Variants in RAG1 observed in about 807,000 individuals in gnomAD.
RAG1 encodes V(D)J recombination-activating protein 1.
In RAG1, 35 loss-of-function variants were observed where a neutral mutation model predicts 62.7. The observed-to-expected ratio is 0.56, with a 90% CI of 0.43 to 0.74. The LOEUF (loss-of-function observed/expected upper bound fraction) is 0.74. Ranked by LOEUF, RAG1 falls within the 30% of genes least tolerant of loss-of-function variation. The probability of loss-of-function intolerance (pLI) is 0.00; values close to 1 mark genes in which losing one functional copy is unlikely to be tolerated. For missense variants in RAG1, 1,169 were observed against 1,278.6 expected (o/e 0.91, Z 1.31); for synonymous variants, 461 against 470.3 (o/e 0.98, Z 0.26).
Position 36,578,340 on chromosome 11 carries a change from A to G in RAG1, c.*1904A>G, listed in dbSNP as rs1850882905. On this transcript the variant is annotated 3_prime_UTR_variant, in exon 2 of 2. Transcript: ENST00000299440. ...TCTAATTTAGTTGTCAAAAACATAT[A>G]CATATTTTAACATTAGTTTTTTTGA... The G allele has an allele frequency of 6.0e-6, 1 of 166,752 alleles. No homozygotes were observed. Among genetic ancestry groups the G allele is most frequent in the South Asian group, 2.1e-4 (1 of 4,832 alleles). 10.3% of individuals were successfully genotyped at this position (166,752 alleles called of 1,614,324 possible). A position where few individuals can be genotyped will look rare whatever the true frequency, so the allele number is the denominator to read the frequency against.
chr11:36,538,647 G>GT (rs1241865243), downstream of RAG1, among the ~76,000 whole-genome samples: 12 of 152,298 alleles, frequency 7.9e-5, no homozygotes, highest in East Asian at 2.1e-3. Flanking sequence ...TTTTCGAGCG[G>GT]TTTTTTGAGG....
chr11:36,560,337 A>G (rs1340542345), intron 3 of RAG1, among the ~76,000 whole-genome samples: 1 of 151,784 alleles, frequency 6.6e-6, no homozygotes, highest in African/African-American at 2.4e-5. Flanking sequence ...GTCTTAGGGG[A>G]GGTTTATTTC....
chr11:36,549,150 G>A (rs1001493330), intron 3 of RAG1, among the ~76,000 whole-genome samples: 2 of 151,912 alleles, frequency 1.3e-5, no homozygotes. Context: ...TTAAATGTAA[G>A]ACCTAAAACC....
chr11:36,541,715 AG>A (rs1020987947), intron 3 of RAG1, among the ~76,000 whole-genome samples: 7 of 152,046 alleles, frequency 4.6e-5, no homozygotes, highest in African/African-American at 1.7e-4. Flanking sequence ...CCGAACCAAA[AG>A]TTTAGTCTAA....
intron 3 of RAG1, among the ~76,000 whole-genome samples, chr11:36,547,988 C>T (rs549306855): frequency 2.6e-5 from 4 of 152,150 alleles, no homozygotes; most frequent in Admixed American, 6.5e-5. Flanking sequence ...AATCAATAAA[C>T]GTAATCCCTC....
chr11:36,544,688 G>T (rs1013131878), intron 3 of RAG1, among the ~76,000 whole-genome samples: 1 of 152,082 alleles, frequency 6.6e-6, no homozygotes, highest in African/African-American at 2.4e-5. Context: ...GGTTGATGTG[G>T]TCTGGCTACA....
chr11:36,536,709 GTAAA>G (rs1564979108), downstream of RAG1, among the ~76,000 whole-genome samples: 1 of 150,660 alleles, frequency 6.6e-6, no homozygotes, highest in Non-Finnish European at 1.5e-5. Context: ...ATTTTATAAA[GTAAA>G]TAAAAATTTT....
chr11:36,530,198 T>C (rs1432664664), intron 2 of RAG1, among the ~76,000 whole-genome samples: 4 of 152,038 alleles, frequency 2.6e-5, no homozygotes, highest in African/African-American at 9.7e-5. Context: ...TGGTAACTTA[T>C]TACTTCTGTT....
upstream of RAG1, among the ~76,000 whole-genome samples, chr11:36,564,496 G>A (rs1425414158): frequency 1.3e-5 from 2 of 152,130 alleles, no homozygotes; most frequent in South Asian, 4.1e-4. Context: ...CAACTTCTGA[G>A]ACTTTTTCTC....
chr11:36,571,287 C>G lies in RAG1; in HGVS notation c.-14-2004C>G, dbSNP rs1217442140. On this transcript the variant is annotated intron_variant, in intron 1 of 1. Transcript: ENST00000299440. The stretch of plus-strand genomic sequence containing the variant: ...TTACTCAAAATATTGTCTTGGAATA[C>G]CAGAGAGCAAGTGCTTTAAGTATAG... Among the ~76,000 whole-genome samples, 13 of 152,038 alleles carry G rather than the reference C, an allele frequency of 8.6e-5. No homozygotes were observed. The South Asian group carries it at 2.7e-3, about 32-fold the overall frequency.
At chr11:36,521,117 G>A (rs1860073379) in intron 2 of RAG1, among the ~76,000 whole-genome samples, 1 of 151,868 alleles carries the variant, frequency 6.6e-6, no homozygotes, top group Non-Finnish European at 1.5e-5. Flanking sequence ...GTGCCACCAT[G>A]CCTGGCAAAT....
intron 3 of RAG1, among the ~76,000 whole-genome samples, chr11:36,543,076 CCTT>C (rs144767233): frequency 3.2e-3 from 480 of 152,290 alleles, no homozygotes; most frequent in African/African-American, 0.01. Context: ...TCCCCCATCT[CCTT>C]CTTCCTTGGT....
intron 1 of RAG1, among the ~76,000 whole-genome samples, chr11:36,518,009 TCCC>T (rs1439800138): frequency 1.7e-5 from 2 of 120,976 alleles, no homozygotes; most frequent in African/African-American, 6.4e-5. Context: ...CCACAACAGT[TCCC>T]GGTGTGTGAT....
upstream of RAG1, among the ~76,000 whole-genome samples, chr11:36,564,208 G>A (rs572411864): frequency 3.7e-4 from 56 of 152,282 alleles, no homozygotes; most frequent in African/African-American, 1.3e-3. Flanking sequence ...CATTTTCTGG[G>A]ACTGGTCAGG....
Position 36,575,360 on chromosome 11 carries a change from A to G in RAG1, c.2056A>G (p.Lys686Glu), listed in dbSNP as rs2133296841. ...SPLIAEREAM[K>E]SSELMLELGG... is the part of the protein sequence containing the mutation. ...TCTCATTGCTGAGAGGGAGGCCATG[A>G]AGAGCAGTGAATTAATGCTTGAGCT... is the stretch of plus-strand genomic sequence containing the variant. Residue 686 changes from lysine (K) to glutamate (E), a missense_variant, in exon 2 of 2, where the codon AAG becomes GAG. By Grantham distance (56) the Lys-to-Glu change is moderately conservative. Transcript: ENST00000299440. The surrounding 1 kb of genome is among the most constrained non-coding windows in gnomAD (Gnocchi z 4.1). 6.2e-7 allele frequency: 1 copy of G among 1,614,134 alleles called. No homozygotes were observed. Among genetic ancestry groups the G allele is most frequent in the Non-Finnish European group, 8.5e-7 (1 of 1,180,030 alleles).
In RAG1 at chr11:36,521,696, AGACAGGAAAAT is replaced by A. The variant is rs530892296; in HGVS notation, n.428+1469_428+1479del. 2.0e-5 allele frequency among the ~76,000 whole-genome samples: 3 copies of A among 152,194 alleles called. No individual in the cohort carries two copies. In the South Asian group the frequency reaches 6.2e-4, roughly 32 times the overall value. On this transcript the variant is annotated intron_variant and non_coding_transcript_variant, in intron 2 of 2. Transcript: ENST00000529126. ...GGAACAGCTTGGAGGGCTCAGAAGA[AGACAGGAAAAT>A]GTGGGAAAGTTTGGAACTTCCTAGA...
At chr11:36,541,206 C>T (rs1043604811) in intron 3 of RAG1, among the ~76,000 whole-genome samples, 3 of 152,200 alleles carry the variant, frequency 2.0e-5, no homozygotes, top group African/African-American at 4.8e-5. Flanking sequence ...GCATTCGGTT[C>T]AATCCTGCCA....
chr11:36,559,791 G>A (rs1047825890), intron 3 of RAG1, among the ~76,000 whole-genome samples: 1 of 152,104 alleles, frequency 6.6e-6, no homozygotes, highest in South Asian at 2.1e-4. Context: ...TTGTTAAATT[G>A]TCTATCTGTA....
At chr11:36,542,557 C>A (rs1217273057) in intron 3 of RAG1, among the ~76,000 whole-genome samples, 2 of 152,162 alleles carry the variant, frequency 1.3e-5, no homozygotes, top group Non-Finnish European at 2.9e-5. Flanking sequence ...AGCTTGGCAT[C>A]TCTATGGATC....
Sources: allele counts gnomAD v4.1 joint callset (sites outside exome capture counted in the v4.1 genomes callset), GRCh38; gene constraint gnomAD v4.1.1; non-coding constraint Gnocchi (gnomAD v3.1); transcripts MANE v1.5; gene names NCBI Gene and HGNC (gene_info 2026-07-23, HGNC 2026-07-21).